Variants in SYNDIG1 observed in about 807,000 individuals in gnomAD.
SYNDIG1 encodes synapse differentiation-inducing gene protein 1.
A neutral mutation model predicts 19.4 loss-of-function variants in SYNDIG1; 9 were observed. That is an observed-to-expected ratio of 0.46 (90% CI 0.28 to 0.81). The LOEUF (loss-of-function observed/expected upper bound fraction) is 0.81. SYNDIG1 is among the 30% of genes least tolerant of loss of function. SYNDIG1 has a pLI of 0.12. For missense variants in SYNDIG1, 311 were observed against 343.3 expected (o/e 0.91, Z 0.74); for synonymous variants, 141 against 145.9 (o/e 0.97, Z 0.24).
At chr20:24,581,214 T>C (rs1487249629) in intron 2 of SYNDIG1, among the ~76,000 whole-genome samples, 1 of 152,132 alleles carries the variant, frequency 6.6e-6, no homozygotes, top group East Asian at 1.9e-4. Context: ...ACTCACAGGA[T>C]GGTTTGTGAG....
chr20:24,509,911 G>C (rs6114747), intron 1 of SYNDIG1, among the ~76,000 whole-genome samples: 1 of 152,100 alleles, frequency 6.6e-6, no homozygotes, highest in Non-Finnish European at 1.5e-5. Context: ...CTTCATGAAC[G>C]GTTTAGCGCT....
At chr20:24,480,144 T>C (rs1237743002) in intron 1 of SYNDIG1, among the ~76,000 whole-genome samples, 1 of 152,216 alleles carries the variant, frequency 6.6e-6, no homozygotes, top group Non-Finnish European at 1.5e-5. Flanking sequence ...TTCCTCCAAG[T>C]TTGGCATCCC....
intron 3 of SYNDIG1, among the ~76,000 whole-genome samples, chr20:24,591,863 T>C (rs1057288878): frequency 2.0e-5 from 3 of 152,214 alleles, no homozygotes; most frequent in African/African-American, 7.2e-5. Flanking sequence ...AGTGACAGAT[T>C]CCACCAAATA....
At chr20:24,542,109 A>G (rs1388446386) in intron 1 of SYNDIG1, among the ~76,000 whole-genome samples, 1 of 152,236 alleles carries the variant, frequency 6.6e-6, no homozygotes, top group Non-Finnish European at 1.5e-5. Context: ...ATAAAATTCC[A>G]CTAATTTTGA....
At chr20:24,590,268 T>G (rs1368631368) in intron 3 of SYNDIG1, among the ~76,000 whole-genome samples, 16 of 94,142 alleles carry the variant, frequency 1.7e-4, no homozygotes, top group South Asian at 3.4e-4. Flanking sequence ...GTGGGGCAGG[T>G]GGGGCCGGCG....
At chr20:24,663,136 G>A (rs1480607153) in intron 3 of SYNDIG1, among the ~76,000 whole-genome samples, 1 of 152,182 alleles carries the variant, frequency 6.6e-6, no homozygotes, top group Non-Finnish European at 1.5e-5. Flanking sequence ...CCTTGCAGGA[G>A]TGGGCACTGC....
chr20:24,471,355 A>G (rs1272343432), intron 1 of SYNDIG1, among the ~76,000 whole-genome samples: 1 of 152,026 alleles, frequency 6.6e-6, no homozygotes, highest in Non-Finnish European at 1.5e-5. Flanking sequence ...CTGAAGTCGA[A>G]TTTTTAGTTG....
At chr20:24,545,960 G>T (rs929067895) in intron 2 of SYNDIG1, among the ~76,000 whole-genome samples, 1 of 152,316 alleles carries the variant, frequency 6.6e-6, no homozygotes, top group South Asian at 2.1e-4. Context: ...AGGCACTTTA[G>T]TGAGACTTTC....
intron 1 of SYNDIG1, among the ~76,000 whole-genome samples, chr20:24,489,612 A>G (rs2056088587): frequency 6.6e-6 from 1 of 152,208 alleles, no homozygotes; most frequent in South Asian, 2.1e-4. Context: ...AGACACATAC[A>G]TGAATGCACA....
At chr20:24,575,793 A>G (rs2058217974) in intron 2 of SYNDIG1, among the ~76,000 whole-genome samples, 1 of 152,206 alleles carries the variant, frequency 6.6e-6, no homozygotes, top group Non-Finnish European at 1.5e-5. Context: ...TGACTCGCTC[A>G]TTTTTGAGCA....
chr20:24,522,445 C>G (rs1180238344), intron 1 of SYNDIG1, among the ~76,000 whole-genome samples: 3 of 152,174 alleles, frequency 2.0e-5, no homozygotes, highest in Admixed American at 2.0e-4. Flanking sequence ...GGACTCCCTG[C>G]TTTGAAAGGG....
At chr20:24,650,183 G>A (rs900951476) in intron 3 of SYNDIG1, among the ~76,000 whole-genome samples, 2 of 152,180 alleles carry the variant, frequency 1.3e-5, no homozygotes, top group African/African-American at 2.4e-5. Context: ...CTCAGTCTTC[G>A]TTGTCTTATC....
At chr20:24,545,926 G>A (rs985982270) in intron 2 of SYNDIG1, among the ~76,000 whole-genome samples, 6 of 152,096 alleles carry the variant, frequency 3.9e-5, no homozygotes, top group East Asian at 1.9e-4. Context: ...AAGTAACATC[G>A]ATGAAACAGC....
At chr20:24,611,997 G>C (rs2058855594) in intron 3 of SYNDIG1, among the ~76,000 whole-genome samples, 1 of 152,190 alleles carries the variant, frequency 6.6e-6, no homozygotes, top group Non-Finnish European at 1.5e-5. Context: ...TTGCATAGCT[G>C]TGCTGACAGG....
intron 1 of SYNDIG1, among the ~76,000 whole-genome samples, chr20:24,503,239 G>A (rs1344253315): frequency 1.3e-5 from 2 of 152,192 alleles, no homozygotes; most frequent in Non-Finnish European, 2.9e-5. Flanking sequence ...AGCTGGGGAT[G>A]CGTTCCTTCT....
At chr20:24,637,535 A>C (rs1192190829) in intron 3 of SYNDIG1, among the ~76,000 whole-genome samples, 2 of 152,318 alleles carry the variant, frequency 1.3e-5, no homozygotes, top group South Asian at 4.2e-4. Context: ...ACCCCAGCAA[A>C]ATGTGGGCTC....
intron 3 of SYNDIG1, among the ~76,000 whole-genome samples, chr20:24,588,002 T>C (rs2058446252): frequency 6.6e-6 from 1 of 152,212 alleles, no homozygotes; most frequent in Non-Finnish European, 1.5e-5. Flanking sequence ...TCTGATTAAA[T>C]TGGGCAGTGG....
chr20:24,635,703 A>G (rs2179800), intron 3 of SYNDIG1, among the ~76,000 whole-genome samples: 28,880 of 152,164 alleles, frequency 0.19, 3,624 homozygotes, highest in Admixed American at 0.35. Flanking sequence ...TTATTCACAC[A>G]TGCCTCTTGT....
chr20:24,541,438 G>T (rs1017641236), intron 1 of SYNDIG1, among the ~76,000 whole-genome samples: 1 of 152,220 alleles, frequency 6.6e-6, no homozygotes, highest in Non-Finnish European at 1.5e-5. Context: ...TATAGAAAGA[G>T]ATTAAGAACT....
Sources: gnomAD v4.1 joint callset for allele counts (sites outside exome capture counted in the v4.1 genomes callset) on GRCh38, gnomAD v4.1.1 for gene constraint, MANE v1.5 for transcripts, NCBI Gene and HGNC (gene_info 2026-07-23, HGNC 2026-07-21) for gene names.